Variants in GRID2 observed in about 807,000 individuals in gnomAD.
GRID2 encodes glutamate ionotropic receptor delta type subunit 2.
GRID2 carries 33 observed loss-of-function variants against 114.8 expected under a neutral mutation model. The ratio of observed to expected loss-of-function variants is 0.29; its 90% CI spans 0.22 to 0.38. The LOEUF is 0.38. Among genes scored for constraint, GRID2 ranks in the 10% least tolerant of loss-of-function variants. The probability of loss-of-function intolerance (pLI) is 1.00; values close to 1 mark genes in which losing one functional copy is unlikely to be tolerated. For synonymous variants in GRID2, 505 were observed against 449.9 expected (o/e 1.12, Z -1.55); for missense variants, 1,184 against 1,257.7 (o/e 0.94, Z 0.89).
rs78316153 is a variant in GRID2, at chr4:92,979,977, A to G, written c.245-105018A>G. ...TAATCTGCTTTATCACTACAGTGTA[A>G]TTTAAAAGAATTTTGTCTAGCAGGA... On this transcript the variant is annotated intron_variant, in intron 2 of 15. Transcript: ENST00000282020. Among the ~76,000 whole-genome samples, 818 of 152,286 alleles carry G rather than the reference A, an allele frequency of 5.4e-3. 8 individuals carry two copies. The highest frequency in any genetic ancestry group is 0.019 in the African/African-American group (782 of 41,564).
At chr4:92,976,914 C>T (rs564719068) in intron 2 of GRID2, among the ~76,000 whole-genome samples, 5 of 152,190 alleles carry the variant, frequency 3.3e-5, no homozygotes, top group African/African-American at 4.8e-5. Context: ...ACCCATGTTA[C>T]GACACTTACT....
At chr4:92,989,276 CAAAAAAAAAA>C (rs1182397768) in intron 2 of GRID2, among the ~76,000 whole-genome samples, 33 of 74,300 alleles carry the variant, frequency 4.4e-4, no homozygotes, top group Middle Eastern at 0.02. Flanking sequence ...GACTCCATCT[CAAAAAAAAAA>C]AAAAAAAAAA....
At chr4:93,130,643 T>G (rs1048141417) in intron 4 of GRID2, among the ~76,000 whole-genome samples, 14 of 152,214 alleles carry the variant, frequency 9.2e-5, no homozygotes, top group African/African-American at 3.1e-4. Context: ...GAATTTTGGA[T>G]CTTTAAAATC....
intron 2 of GRID2, among the ~76,000 whole-genome samples, chr4:92,669,285 A>G (rs1007317043): frequency 6.6e-6 from 1 of 151,892 alleles, no homozygotes; most frequent in Admixed American, 6.6e-5. Flanking sequence ...TATGCCTTAT[A>G]ATACTCACTG....
At chr4:92,793,419 G>A (rs1246803307) in intron 2 of GRID2, among the ~76,000 whole-genome samples, 1 of 151,594 alleles carries the variant, frequency 6.6e-6, no homozygotes, top group Non-Finnish European at 1.5e-5. Context: ...ACAGGGAGAA[G>A]ATCAGGAAAA....
intron 1 of GRID2, among the ~76,000 whole-genome samples, chr4:92,572,284 A>C (rs985483778): frequency 3.3e-5 from 5 of 152,230 alleles, no homozygotes; most frequent in African/African-American, 1.2e-4. Flanking sequence ...AAAATCTACA[A>C]GAAATGGATA....
intron 2 of GRID2, among the ~76,000 whole-genome samples, chr4:92,873,979 G>T (rs1745455118): frequency 6.6e-6 from 1 of 152,118 alleles, no homozygotes; most frequent in African/African-American, 2.4e-5. Context: ...CTCCCAAAGT[G>T]CTGGGATTAC....
At chr4:92,748,828 A>AT (rs974646076) in intron 2 of GRID2, among the ~76,000 whole-genome samples, 1 of 149,234 alleles carries the variant, frequency 6.7e-6, no homozygotes, top group African/African-American at 2.5e-5. Flanking sequence ...AGCCCTGCTA[A>AT]TTTTTTTGTA....
At chr4:92,915,838 A>G (rs1262409448) in intron 2 of GRID2, among the ~76,000 whole-genome samples, 1 of 152,014 alleles carries the variant, frequency 6.6e-6, no homozygotes, top group African/African-American at 2.4e-5. Context: ...GTTTTTTCAT[A>G]TGATTGTTGG....
chr4:93,332,286 G>A (rs1436623551), intron 8 of GRID2, among the ~76,000 whole-genome samples: 1 of 127,542 alleles, frequency 7.8e-6, no homozygotes, highest in African/African-American at 3.6e-5. Flanking sequence ...GTGTGTGTGT[G>A]TGTGTGTGTG....
chr4:92,902,686 T>G (rs1686241171), intron 2 of GRID2, among the ~76,000 whole-genome samples: 1 of 151,988 alleles, frequency 6.6e-6, no homozygotes, highest in African/African-American at 2.4e-5. Context: ...GATGTAGGGG[T>G]CCAGTTTTAT....
chr4:93,011,013 A>C (rs903783438), intron 2 of GRID2, among the ~76,000 whole-genome samples: 10 of 150,784 alleles, frequency 6.6e-5, no homozygotes, highest in African/African-American at 2.4e-4. Context: ...TTTAGATTTC[A>C]TTTCACATCT....
At chr4:93,270,235 C>T (rs561460166) in intron 8 of GRID2, among the ~76,000 whole-genome samples, 1 of 151,004 alleles carries the variant, frequency 6.6e-6, no homozygotes, top group African/African-American at 2.4e-5. Flanking sequence ...CACACACACA[C>T]ACACACACAC....
intron 8 of GRID2, among the ~76,000 whole-genome samples, chr4:93,368,763 C>T (rs2149287396): frequency 6.6e-6 from 1 of 152,182 alleles, no homozygotes; most frequent in African/African-American, 2.4e-5. Flanking sequence ...TGATCACAAT[C>T]ATAAAATGGG....
At chr4:93,108,334 C>T (rs995922015) in intron 3 of GRID2, among the ~76,000 whole-genome samples, 1 of 152,110 alleles carries the variant, frequency 6.6e-6, no homozygotes, top group Non-Finnish European at 1.5e-5. Flanking sequence ...CTCCTAGCTC[C>T]TAGTATTGTG....
chr4:92,590,753 A>G (rs1333541796), intron 2 of GRID2, among the ~76,000 whole-genome samples: 1 of 152,184 alleles, frequency 6.6e-6, no homozygotes, highest in Non-Finnish European at 1.5e-5. Context: ...GGACTCTAAC[A>G]TACTGACCTA....
intron 2 of GRID2, among the ~76,000 whole-genome samples, chr4:92,996,026 A>G (rs924609315): frequency 1.3e-5 from 2 of 152,010 alleles, no homozygotes; most frequent in African/African-American, 4.8e-5. Flanking sequence ...ACAGTGGCTC[A>G]TGCCTGTAAT....
chr4:92,560,177 G>T (rs1431528125), intron 1 of GRID2, among the ~76,000 whole-genome samples: 1 of 152,116 alleles, frequency 6.6e-6, no homozygotes, highest in Non-Finnish European at 1.5e-5. Flanking sequence ...GAAAGGAGAG[G>T]GGAGCCTGCT....
At chr4:92,985,407 T>G (rs1277269456) in intron 2 of GRID2, among the ~76,000 whole-genome samples, 8 of 151,942 alleles carry the variant, frequency 5.3e-5, no homozygotes, top group Admixed American at 5.2e-4. Context: ...GCTAAATTTT[T>G]TTGTATTTTT....
Sources: gnomAD v4.1 joint callset for allele counts (sites outside exome capture counted in the v4.1 genomes callset) on GRCh38, gnomAD v4.1.1 for gene constraint, MANE v1.5 for transcripts, NCBI Gene and HGNC (gene_info 2026-07-23, HGNC 2026-07-21) for gene names.